PGCKA1: variants seen among roughly 807,000 people sequenced by gnomAD.
The protein encoded by PGCKA1 is PDCD10 and GCKIII kinases associated 1, also known as PDCD10 and GCKIII kinases-associated protein 1.
At chr4:37,551,028 T>A in the PGCKA1 span, among the ~76,000 whole-genome samples, 1 of 151,778 alleles carries the variant, frequency 6.6e-6, no homozygotes, top group African/African-American at 2.4e-5. Flanking sequence ...AAAAAAACAG[T>A]TACATGATAG....
chr4:37,549,090 G>A, the PGCKA1 span, among the ~76,000 whole-genome samples: 1 of 152,198 alleles, frequency 6.6e-6, no homozygotes, highest in Non-Finnish European at 1.5e-5. Flanking sequence ...CAGCCTCCAT[G>A]CCCCAACACT....
the PGCKA1 span, among the ~76,000 whole-genome samples, chr4:37,589,355 A>G: frequency 8.5e-5 from 13 of 152,360 alleles, no homozygotes; most frequent in East Asian, 2.3e-3. Context: ...AGACCTATAT[A>G]TAAATAAGCT....
the PGCKA1 span, among the ~76,000 whole-genome samples, chr4:37,553,527 A>G: frequency 6.6e-6 from 1 of 152,232 alleles, no homozygotes; most frequent in African/African-American, 2.4e-5. Context: ...GATTAATGCC[A>G]CATTTCATTA....
chr4:37,580,246 A>G, the PGCKA1 span, among the ~76,000 whole-genome samples: 1 of 145,752 alleles, frequency 6.9e-6, no homozygotes, highest in African/African-American at 2.6e-5. Flanking sequence ...GAAAAGTCAT[A>G]TATCTCTGTT....
the PGCKA1 span, among the ~76,000 whole-genome samples, chr4:37,496,734 G>A: frequency 1.4e-4 from 21 of 152,160 alleles, no homozygotes; most frequent in African/African-American, 5.1e-4. Context: ...CATGAGCATG[G>A]AATGTTTTTC....
chr4:37,551,438 C>T, the PGCKA1 span, among the ~76,000 whole-genome samples: 1 of 152,174 alleles, frequency 6.6e-6, no homozygotes, highest in Admixed American at 6.5e-5. Context: ...CATATGGTTG[C>T]AAGCTGTTTT....
chr4:37,542,103 A>C, the PGCKA1 span, among the ~76,000 whole-genome samples: 1 of 152,164 alleles, frequency 6.6e-6, no homozygotes, highest in Non-Finnish European at 1.5e-5. Context: ...TGTTTATCAT[A>C]GATAAGGAAG....
At chr4:37,574,120 G>A in the PGCKA1 span, among the ~76,000 whole-genome samples, 6 of 151,942 alleles carry the variant, frequency 3.9e-5, no homozygotes, top group Non-Finnish European at 8.8e-5. Flanking sequence ...CCTGGGAGGC[G>A]GAGGTAGCAG....
At chr4:37,490,723 A>G in the PGCKA1 span, among the ~76,000 whole-genome samples, 1 of 152,138 alleles carries the variant, frequency 6.6e-6, no homozygotes. Flanking sequence ...CCTTCATTTG[A>G]TGGGATCAGA....
At chr4:37,487,353 A>G in the PGCKA1 span, among the ~76,000 whole-genome samples, 2 of 152,160 alleles carry the variant, frequency 1.3e-5, no homozygotes, top group South Asian at 4.1e-4. Flanking sequence ...TAACCATCTA[A>G]CCATCCCTCT....
At chr4:37,509,654 G>A in the PGCKA1 span, among the ~76,000 whole-genome samples, 314 of 151,076 alleles carry the variant, frequency 2.1e-3, 3 homozygotes, top group Non-Finnish European at 3.3e-3. Context: ...TCACGCCACC[G>A]CACTCCAGCC....
chr4:37,492,539 C>G, the PGCKA1 span, among the ~76,000 whole-genome samples: 1 of 152,266 alleles, frequency 6.6e-6, no homozygotes, highest in East Asian at 1.9e-4. This position sits in a 1 kb window ranked among gnomAD's most constrained non-coding sequence, Gnocchi z 4.7. Context: ...AGGTATGGAC[C>G]TTGCTGCCAG....
chr4:37,546,425 C>G, the PGCKA1 span, among the ~76,000 whole-genome samples: 8 of 152,216 alleles, frequency 5.3e-5, no homozygotes, highest in African/African-American at 1.7e-4. Context: ...ACTCCCTGCT[C>G]TGTTCTGTTT....
the PGCKA1 span, among the ~76,000 whole-genome samples, chr4:37,576,412 T>A: frequency 6.6e-6 from 1 of 152,112 alleles, no homozygotes; most frequent in Non-Finnish European, 1.5e-5. Context: ...ATGCTACAGG[T>A]TTTTGTATGT....
At chr4:37,463,774 T>G in the PGCKA1 span, among the ~76,000 whole-genome samples, 2 of 151,650 alleles carry the variant, frequency 1.3e-5, no homozygotes, top group Admixed American at 1.3e-4. Context: ...GATTCAAAGA[T>G]TTAATGGGGC....
chr4:37,520,926 C>G, the PGCKA1 span, among the ~76,000 whole-genome samples: 1 of 152,054 alleles, frequency 6.6e-6, no homozygotes, highest in Non-Finnish European at 1.5e-5. Flanking sequence ...CCTTTTTTCT[C>G]TTTTATTTTA....
chr4:37,589,150 G>A, the PGCKA1 span, among the ~76,000 whole-genome samples: 4 of 152,120 alleles, frequency 2.6e-5, no homozygotes, highest in Admixed American at 2.6e-4. Context: ...AATTTGGTCT[G>A]GGTTTCTGAG....
At chr4:37,579,220 TAC>T in the PGCKA1 span, among the ~76,000 whole-genome samples, 2 of 152,212 alleles carry the variant, frequency 1.3e-5, no homozygotes, top group East Asian at 1.9e-4. Flanking sequence ...CATATTATCG[TAC>T]AGTCTATGTC....
chr4:37,569,218 A>T, the PGCKA1 span, among the ~76,000 whole-genome samples: 1 of 148,768 alleles, frequency 6.7e-6, no homozygotes, highest in Non-Finnish European at 1.5e-5. Context: ...TTATTTTGAG[A>T]TGGAGTTTTG....
Sources: allele counts gnomAD v4.1 joint callset (sites outside exome capture counted in the v4.1 genomes callset), GRCh38; gene constraint gnomAD v4.1.1; non-coding constraint Gnocchi (gnomAD v3.1); transcripts MANE v1.5; gene names NCBI Gene and HGNC (gene_info 2026-07-23, HGNC 2026-07-21).